AGTPBP1: variants seen among roughly 807,000 people sequenced by gnomAD.
AGTPBP1 encodes the protein ATP/GTP binding carboxypeptidase 1.
AGTPBP1 carries 70 observed loss-of-function variants against 143.9 expected under a neutral mutation model. That is an observed-to-expected ratio of 0.49 (90% CI 0.40 to 0.59). The LOEUF is 0.59. AGTPBP1 is among the 20% of genes least tolerant of loss of function. The pLI, the probability that AGTPBP1 is intolerant of heterozygous loss-of-function variation, is 0.00. For synonymous variants in AGTPBP1, 463 were observed against 500.2 expected (o/e 0.93, Z 0.99); for missense variants, 1,229 against 1,464.5 (o/e 0.84, Z 2.62).
At chr9:85,596,536 A>C in intron 17 of AGTPBP1, 87 bp from the exon 18 acceptor site, 1 of 842,422 alleles carries the variant, frequency 1.2e-6, no homozygotes, top group Non-Finnish European at 1.8e-6. Flanking sequence ...AGCACCAAAC[A>C]TTCAGGAAAG....
At chr9:85,630,721 C>T (rs1431371690) in intron 14 of AGTPBP1, among the ~76,000 whole-genome samples, 1 of 152,060 alleles carries the variant, frequency 6.6e-6, no homozygotes, top group East Asian at 1.9e-4. Flanking sequence ...CTCAAATGAT[C>T]CATCCACCTT....
chr9:85,663,863 C>A (rs1022630934), intron 8 of AGTPBP1, among the ~76,000 whole-genome samples: 41 of 152,128 alleles, frequency 2.7e-4, no homozygotes, highest in Non-Finnish European at 2.4e-4. Context: ...TAAACATTCA[C>A]AGCAGCTTTA....
At chr9:85,558,616 A>G (rs1826499242) in intron 25 of AGTPBP1, among the ~76,000 whole-genome samples, 1 of 152,082 alleles carries the variant, frequency 6.6e-6, no homozygotes, top group South Asian at 2.1e-4. Context: ...AACTTCACTT[A>G]CCTATAATTT....
In AGTPBP1 at chr9:85,575,365, G is replaced by C; in HGVS notation, c.3453C>G (p.Ser1151Arg). ...TSPLEYNLPS[S>R]LLDFENDLIE... ...TTAAATCATTTTCAAAGTCAAGCAGGCTGGAAGGCAGATTATACTCCAATG... is the reference window on the plus strand; with the variant it reads ...TTAAATCATTTTCAAAGTCAAGCAGCCTGGAAGGCAGATTATACTCCAATG... Residue 1151 changes from serine to arginine, a missense_variant, in exon 25 of 26, where the codon AGC becomes AGG. Ser to Arg is a moderately radical substitution (Grantham distance 110, BLOSUM62 -1). Transcript: ENST00000357081. The C allele has an allele frequency of 1.2e-6, 2 of 1,604,810 alleles. No individual in the cohort carries two copies. The highest frequency in any genetic ancestry group is 3.3e-4 in the Middle Eastern group (2 of 6,038).
At position 85,639,360 on chromosome 9, in the gene AGTPBP1, C is replaced by T. The variant is rs558967807; in HGVS notation, c.1302+3467G>A. The stretch of plus-strand genomic sequence containing the variant: ...GCATACATACACACACCCATGCGCG[C>T]GCACGCGCACACACACACACACACA... On this transcript the variant is annotated intron_variant, in intron 13 of 25. Transcript: ENST00000357081. Among the ~76,000 whole-genome samples, 20 of 132,508 alleles carry T rather than the reference C, an allele frequency of 1.5e-4. 1 individual carries two copies. In the South Asian group the frequency reaches 1.8e-3, roughly 12 times the overall value. The allele number at this position is 132,508 out of a possible 152,430, so 86.9% of individuals were successfully genotyped here. A position where few individuals can be genotyped will look rare whatever the true frequency, so the allele number is the denominator to read the frequency against.
chr9:85,587,041 T>C, intron 21 of AGTPBP1, 81 bp from the exon 22 acceptor site: 4 of 1,524,768 alleles, frequency 2.6e-6, no homozygotes, highest in Non-Finnish European at 3.6e-6. Flanking sequence ...CTTATATACA[T>C]ATCTGATTTA....
chr9:85,692,938 T>C, intron 2 of AGTPBP1, 125 bp from the exon 3 acceptor site: 1 of 1,058,084 alleles, frequency 9.5e-7, no homozygotes, highest in Non-Finnish European at 1.3e-6. Context: ...ACGTCGCACT[T>C]CCTTACTCTG....
intron 25 of AGTPBP1, among the ~76,000 whole-genome samples, chr9:85,552,073 G>A (rs1228846603): frequency 5.3e-5 from 8 of 152,126 alleles, no homozygotes; most frequent in Non-Finnish European, 1.2e-4. Flanking sequence ...ACTCTGAATA[G>A]ACTAAGCCAA....
chr9:85,585,343 C>A, intron 23 of AGTPBP1, 120 bp downstream of exon 23: 2 of 1,072,832 alleles, frequency 1.9e-6, no homozygotes, highest in Non-Finnish European at 1.2e-6. Context: ...AATGAAAAAT[C>A]TGAAACAAAA....
At chr9:85,730,863 A>T (rs531202118) in intron 1 of AGTPBP1, among the ~76,000 whole-genome samples, 1 of 152,236 alleles carries the variant, frequency 6.6e-6, no homozygotes, top group South Asian at 2.1e-4. Context: ...ATAATTCCTT[A>T]TATTATTCTT....
intron 17 of AGTPBP1, among the ~76,000 whole-genome samples, chr9:85,615,605 G>C (rs986045176): frequency 1.3e-5 from 2 of 152,066 alleles, no homozygotes; most frequent in South Asian, 2.1e-4. Context: ...ATCTGTAAAA[G>C]AGTAAAACTT....
intron 2 of AGTPBP1, among the ~76,000 whole-genome samples, chr9:85,698,593 T>G (rs575065880): frequency 4.1e-5 from 6 of 147,744 alleles, no homozygotes; most frequent in African/African-American, 1.5e-4. Flanking sequence ...AAGCTATATA[T>G]GAGCAATTTG....
chr9:85,642,772 A>G (rs1162556667), intron 13 of AGTPBP1, 55 bp downstream of exon 13: 2 of 1,401,296 alleles, frequency 1.4e-6, no homozygotes, highest in African/African-American at 1.5e-5. Flanking sequence ...CCTAAGGGAA[A>G]AAAAATAACT....
intron 14 of AGTPBP1, among the ~76,000 whole-genome samples, chr9:85,627,939 AG>A (rs1026250342): frequency 6.6e-6 from 1 of 152,218 alleles, no homozygotes; most frequent in African/African-American, 2.4e-5. Flanking sequence ...TTAGTAGTTA[AG>A]TTTTGAGGGA....
At chr9:85,591,349 G>A (rs1587695412) in intron 19 of AGTPBP1, among the ~76,000 whole-genome samples, 1 of 151,958 alleles carries the variant, frequency 6.6e-6, no homozygotes, top group Non-Finnish European at 1.5e-5. Context: ...GGGTTTGTGG[G>A]GTGGCAGCGG....
chr9:85,685,001 A>T (rs1051167144), intron 3 of AGTPBP1, among the ~76,000 whole-genome samples: 4 of 152,226 alleles, frequency 2.6e-5, no homozygotes, highest in Admixed American at 2.6e-4. Context: ...ATCTGAAATA[A>T]ATTATCAGAT....
chr9:85,749,942 C>A, the AGTPBP1 span, among the ~76,000 whole-genome samples: 1 of 150,368 alleles, frequency 6.7e-6, no homozygotes, highest in Admixed American at 6.6e-5. Context: ...AGTGCAGTGG[C>A]GTGATCTCAT....
At chr9:85,774,124 C>G in the AGTPBP1 span, 6 of 936,188 alleles carry the variant, frequency 6.4e-6, no homozygotes, top group East Asian at 9.6e-5. Context: ...CACTTAAAAG[C>G]TCAACATGTT....
intron 11 of AGTPBP1, among the ~76,000 whole-genome samples, chr9:85,649,256 A>G (rs1235399683): frequency 6.6e-6 from 1 of 152,208 alleles, no homozygotes; most frequent in South Asian, 2.1e-4. Context: ...CATTAGAAGG[A>G]AAGAGTCTGC....
Sources: allele counts gnomAD v4.1 joint callset (sites outside exome capture counted in the v4.1 genomes callset), GRCh38; gene constraint gnomAD v4.1.1; transcripts MANE v1.5; gene names NCBI Gene and HGNC (gene_info 2026-07-23, HGNC 2026-07-21).